Variants in PYM1 observed in about 807,000 individuals in gnomAD.
PYM1 encodes the protein PYM1 exon junction complex associated factor, also known as partner of Y14 and mago.
A neutral mutation model predicts 20.7 loss-of-function variants in PYM1; 7 were observed. That is an observed-to-expected ratio of 0.34 (90% CI 0.19 to 0.64). The LOEUF is 0.64. Ranked by LOEUF, PYM1 falls within the 30% of genes least tolerant of loss-of-function variation. PYM1 has a pLI of 0.74. For synonymous variants in PYM1, 100 were observed against 99.2 expected, an observed-to-expected ratio of 1.01 and a Z score of -0.05; for missense variants, 194 against 250.0, an observed-to-expected ratio of 0.78 and a Z score of 1.51.
At chr12:55,912,444 C>A (rs753886443) in intron 1 of PYM1, among the ~76,000 whole-genome samples, 1 of 152,058 alleles carries the variant, frequency 6.6e-6, no homozygotes, top group Non-Finnish European at 1.5e-5. Context: ...TTAGGCCAGG[C>A]GTGGTGGCTC....
Position 55,902,020 on chromosome 12 carries a change from TTCTTTA to T in PYM1, c.461_466del (p.Ile154_Lys155del). 2 of 1,614,102 alleles carry T rather than the reference TTCTTTA, an allele frequency of 1.2e-6. No homozygotes were observed. Among genetic ancestry groups the T allele is most frequent in the Admixed American group, 3.3e-5 (2 of 60,002 alleles). On this transcript the variant is annotated inframe_deletion, in exon 3 of 3. Coordinates refer to ENST00000408946, the MANE Select transcript of PYM1 (RefSeq NM_032345.3). ...CACCTGCCGGAGTTTCTTCTTTAGG[TTCTTTA>T]TCTTCTTGGCTTTCTCAGTGGTGGC... is the stretch of plus-strand genomic sequence containing the variant.
At chr12:55,919,484 C>T (rs934580907) in intron 1 of PYM1, among the ~76,000 whole-genome samples, 3 of 152,140 alleles carry the variant, frequency 2.0e-5, no homozygotes, top group Non-Finnish European at 4.4e-5. Flanking sequence ...TGTGTCACAT[C>T]TCAGAAGATT....
At chr12:55,920,770 T>C (rs367888303) in intron 1 of PYM1, among the ~76,000 whole-genome samples, 41 of 151,804 alleles carry the variant, frequency 2.7e-4, no homozygotes, top group Admixed American at 8.5e-4. Flanking sequence ...CAGAAGAAAG[T>C]AAGATAGGGT....
chr12:55,916,908 C>G (rs1011635217), intron 1 of PYM1, among the ~76,000 whole-genome samples: 14 of 152,032 alleles, frequency 9.2e-5, no homozygotes, highest in African/African-American at 3.4e-4. Context: ...TCCAGGAGTT[C>G]AAGACCAGCC....
In PYM1 at chr12:55,901,928, G is replaced by C. The variant is rs1387850668; in HGVS notation, c.559C>G (p.Leu187Val). ...TCTTCTAGCGCCCTCCTCCTTGCTAGCTTTTCTAGCTGCTCTTTGCTAGGC... is the reference window on the plus strand; with the variant it reads ...TCTTCTAGCGCCCTCCTCCTTGCTACCTTTTCTAGCTGCTCTTTGCTAGGC... Reference protein sequence around the residue: ...SQPSKEQLEKLARRRALEEEL... With the variant: ...SQPSKEQLEKVARRRALEEEL... Residue 187 changes from leucine to valine, a missense_variant, in exon 3 of 3, where the codon CTA becomes GTA. By Grantham distance (32) the Leu-to-Val change is conservative. Around this residue, in one of 3 missense-constraint regions of PYM1, gnomAD observed 158 missense variants for 179.0 expected, o/e 0.88. Coordinates refer to ENST00000408946, the MANE Select transcript of PYM1 (RefSeq NM_032345.3). 2.5e-6 allele frequency: 4 copies of C among 1,613,978 alleles called. No individual in the cohort carries two copies. In the African/African-American group the frequency reaches 5.3e-5, roughly 22 times the overall value.
chr12:55,913,652 G>A (rs1882961012), intron 1 of PYM1: 1 of 152,040 alleles, frequency 6.6e-6, no homozygotes. Context: ...GGAAAATGAA[G>A]GAGAAATTCA....
chr12:55,921,706 A>G (rs997551161), intron 1 of PYM1, among the ~76,000 whole-genome samples: 2 of 152,124 alleles, frequency 1.3e-5, no homozygotes, highest in Admixed American at 6.6e-5. Context: ...TGGGCCAAGT[A>G]AAAAACTAAA....
At chr12:55,925,929 G>A (rs1355594309) in intron 1 of PYM1, among the ~76,000 whole-genome samples, 2 of 152,204 alleles carry the variant, frequency 1.3e-5, no homozygotes, top group Admixed American at 6.5e-5. Context: ...AAGGAAAGAG[G>A]TAGTACCACT....
intron 1 of PYM1, among the ~76,000 whole-genome samples, chr12:55,915,597 CG>C (rs1393971741): frequency 6.8e-6 from 1 of 147,762 alleles, no homozygotes; most frequent in Non-Finnish European, 1.5e-5. Flanking sequence ...AGAAAAGTAC[CG>C]TAAGTGCCAA....
intron 1 of PYM1, among the ~76,000 whole-genome samples, chr12:55,915,998 A>G (rs537526713): frequency 1.3e-5 from 2 of 152,360 alleles, no homozygotes; most frequent in South Asian, 4.1e-4. Context: ...CGATAGATAG[A>G]TATCATCATT....
chr12:55,903,526 A>G, intron 1 of PYM1, 46 bp from the exon 2 acceptor site: 1 of 1,575,602 alleles, frequency 6.3e-7, no homozygotes, highest in Non-Finnish European at 8.7e-7. Flanking sequence ...ATTTTCAAAC[A>G]TTTTACAAGA....
At chr12:55,903,266 G>A in intron 2 of PYM1, 121 bp downstream of exon 2, 1 of 777,810 alleles carries the variant, frequency 1.3e-6, no homozygotes. Flanking sequence ...TCAGATAGTT[G>A]CCCCTCCTTC....
At chr12:55,905,870 TATC>T in intron 1 of PYM1, among the ~76,000 whole-genome samples, 1 of 127,098 alleles carries the variant, frequency 7.9e-6, no homozygotes, top group African/African-American at 3.0e-5. Context: ...GATATATATA[TATC>T]TATTAGATAT....
chr12:55,921,033 T>C (rs566868902), intron 1 of PYM1, among the ~76,000 whole-genome samples: 1 of 152,328 alleles, frequency 6.6e-6, no homozygotes, highest in South Asian at 2.1e-4. Flanking sequence ...AGCAGTAATC[T>C]GGTAGCAGTG....
Position 55,901,805 on chromosome 12 carries a change from G to A in PYM1, c.*67C>T, listed in dbSNP as rs1488826019. On this transcript the variant is annotated 3_prime_UTR_variant, in exon 3 of 3. Transcript: ENST00000408946. ...GTACCCCTCCTGACTGCTGTTGCCCGTATTCCCCCAGACCCCAGAGAGCCC... is the reference window on the plus strand; with the variant it reads ...GTACCCCTCCTGACTGCTGTTGCCCATATTCCCCCAGACCCCAGAGAGCCC... The A allele has an allele frequency of 8.5e-6, 13 of 1,528,736 alleles. No homozygotes were observed. The highest frequency in any genetic ancestry group is 2.3e-5 in the East Asian group (1 of 44,276). 94.7% of individuals were successfully genotyped at this position (1,528,736 alleles called of 1,614,324 possible).
Position 55,901,454 on chromosome 12 carries a change from A to G in PYM1, c.*418T>C. The G allele has an allele frequency of 6.6e-6, 1 of 150,626 alleles. No individual in the cohort carries two copies. Among genetic ancestry groups the G allele is most frequent in the Non-Finnish European group, 1.5e-5 (1 of 68,164 alleles). The allele number at this position is 150,626 out of a possible 1,614,324, so 9.3% of individuals were successfully genotyped here. A position where few individuals can be genotyped will look rare whatever the true frequency, so the allele number is the denominator to read the frequency against. On this transcript the variant is annotated 3_prime_UTR_variant, in exon 3 of 3. Transcript: ENST00000408946. ...TTTATTCTCATTTTTGCTTTTTTTA[A>G]AAAAAAAAAAAAAATGAGGGATGGA... is the stretch of plus-strand genomic sequence containing the variant.
At chr12:55,913,765 C>T (rs1882962626) in intron 1 of PYM1, 1 of 152,276 alleles carries the variant, frequency 6.6e-6, no homozygotes, top group Admixed American at 6.5e-5. Context: ...GTGCTTTTCA[C>T]ATGTATTCTT....
chr12:55,919,851 A>T (rs1377601300), intron 1 of PYM1, among the ~76,000 whole-genome samples: 3 of 150,474 alleles, frequency 2.0e-5, no homozygotes, highest in Non-Finnish European at 3.0e-5. Context: ...GCGTCACTGC[A>T]CTCCAGTCTG....
At chr12:55,906,334 T>C (rs992356020) in intron 1 of PYM1, among the ~76,000 whole-genome samples, 4 of 152,120 alleles carry the variant, frequency 2.6e-5, no homozygotes, top group African/African-American at 7.2e-5. Context: ...ATCATTTTCA[T>C]TGTATCATCA....
Sources: allele counts gnomAD v4.1 joint callset (sites outside exome capture counted in the v4.1 genomes callset), GRCh38; gene constraint gnomAD v4.1.1; regional missense constraint gnomAD v4.1.1; transcripts MANE v1.5; gene names NCBI Gene and HGNC (gene_info 2026-07-23, HGNC 2026-07-21).